PLCB4: variants seen among roughly 807,000 people sequenced by gnomAD.
PLCB4 encodes the protein phospholipase C beta 4.
Under a neutral mutation model 178.8 loss-of-function variants are expected in PLCB4, and 77 were observed. The ratio of observed to expected loss-of-function variants is 0.43; its 90% CI spans 0.36 to 0.52. The LOEUF is 0.52. PLCB4 is among the 20% of genes least tolerant of loss of function. The pLI is 0.00. For missense variants in PLCB4, 1,024 were observed against 1,453.4 expected (o/e 0.70, Z 4.80); for synonymous variants, 496 against 490.8 (o/e 1.01, Z -0.14).
At chr20:9,413,143 A>G (rs2039974580) in intron 25 of PLCB4, among the ~76,000 whole-genome samples, 1 of 152,198 alleles carries the variant, frequency 6.6e-6, no homozygotes, top group South Asian at 2.1e-4. Flanking sequence ...TGGCTCTTAC[A>G]GGACCCGTCG....
At chr20:9,267,135 C>A (rs1398213939) in intron 3 of PLCB4, among the ~76,000 whole-genome samples, 1 of 152,284 alleles carries the variant, frequency 6.6e-6, no homozygotes, top group African/African-American at 2.4e-5. Flanking sequence ...GGTACTCTCT[C>A]TAGTCACAGT....
chr20:9,297,210 A>G (rs892086175), intron 3 of PLCB4, among the ~76,000 whole-genome samples: 4 of 151,934 alleles, frequency 2.6e-5, no homozygotes, highest in South Asian at 2.1e-4. Flanking sequence ...TATATCTTGC[A>G]TGCTATCAAA....
intron 25 of PLCB4, 91 bp from the exon 26 acceptor site, chr20:9,419,716 T>C: frequency 1.2e-6 from 1 of 836,370 alleles, no homozygotes; most frequent in Non-Finnish European, 2.1e-6. Flanking sequence ...GTGTTACAGA[T>C]GGAGAAAAGG....
rs1481948259 is a variant in PLCB4, at chr20:9,222,051, ATTTTATTTTAT to A, written c.-16+4603_-16+4613del. Among the ~76,000 whole-genome samples the A allele has an allele frequency of 2.6e-3, 140 of 54,434 alleles. 1 individual carries two copies. Among genetic ancestry groups the A allele is most frequent in the Admixed American group, 0.021 (140 of 6,806 alleles). The allele number at this position is 54,434 out of a possible 152,430, so 35.7% of individuals were successfully genotyped here. A position where few individuals can be genotyped will look rare whatever the true frequency, so the allele number is the denominator to read the frequency against. Reference sequence around the variant, plus strand: ...ATTTTATTTTGTTTTATTTTATTTTATTTTATTTTATTTTATTTTATTTTATTTTATTTTAT... The same window carrying A: ...ATTTTATTTTGTTTTATTTTATTTTATTTATTTTATTTTATTTTATTTTAT... On this transcript the variant is annotated intron_variant, in intron 3 of 39. Coordinates refer to ENST00000378473, the MANE Select transcript of PLCB4 (RefSeq NM_001377142.1).
intron 4 of PLCB4, among the ~76,000 whole-genome samples, chr20:9,318,818 T>A (rs2094928715): frequency 6.6e-6 from 1 of 152,230 alleles, no homozygotes; most frequent in Non-Finnish European, 1.5e-5. Flanking sequence ...CAAGTACTAC[T>A]GTACTATGCT....
chr20:9,219,421 A>G (rs986198877), intron 3 of PLCB4, among the ~76,000 whole-genome samples: 2 of 152,158 alleles, frequency 1.3e-5, no homozygotes, highest in African/African-American at 4.8e-5. Context: ...GTGAGCCGAG[A>G]TGGCGCCACT....
chr20:9,110,055 A>G (rs956536804), intron 2 of PLCB4, among the ~76,000 whole-genome samples: 42 of 152,250 alleles, frequency 2.8e-4, no homozygotes, highest in African/African-American at 1.0e-3. Flanking sequence ...TAAAATTATT[A>G]TTATTAAGCA....
chr20:9,083,308 A>G (rs887056940), intron 1 of PLCB4, among the ~76,000 whole-genome samples: 2 of 151,984 alleles, frequency 1.3e-5, no homozygotes, highest in African/African-American at 2.4e-5. Context: ...CTATCCTCAC[A>G]CAGGATACGA....
chr20:9,404,180 TG>T lies in PLCB4; in HGVS notation c.1612-1131del, dbSNP rs1485631799. 2.6e-5 allele frequency among the ~76,000 whole-genome samples: 4 copies of T among 152,240 alleles called. No individual in the cohort carries two copies. In the South Asian group the frequency reaches 8.3e-4, roughly 32 times the overall value. ...GCAGGAAAGAGAGGGGATAACTGCC[TG>T]GAATTCCTTGAGGAGGTGGAAGAGG... On this transcript the variant is annotated intron_variant, in intron 20 of 39. Transcript: ENST00000378473.
At chr20:9,253,459 T>G (rs367799687) in intron 3 of PLCB4, among the ~76,000 whole-genome samples, 1 of 152,156 alleles carries the variant, frequency 6.6e-6, no homozygotes, top group East Asian at 1.9e-4. Context: ...CATCAGTGAC[T>G]GCCAGTTTCT....
chr20:9,149,484 T>G (rs937119934), intron 2 of PLCB4, among the ~76,000 whole-genome samples: 2 of 152,212 alleles, frequency 1.3e-5, no homozygotes, highest in African/African-American at 4.8e-5. Flanking sequence ...TTTATTGAAT[T>G]TGCCTTCTCT....
chr20:9,093,680 G>A (rs2090781712), intron 1 of PLCB4, among the ~76,000 whole-genome samples: 1 of 150,362 alleles, frequency 6.7e-6, no homozygotes, highest in African/African-American at 2.4e-5. Context: ...TCTTTGATGT[G>A]GGGTAGGCAC....
At chr20:9,438,508 G>A (rs2041920246) in intron 30 of PLCB4, among the ~76,000 whole-genome samples, 1 of 152,158 alleles carries the variant, frequency 6.6e-6, no homozygotes, top group Non-Finnish European at 1.5e-5. Flanking sequence ...AGAGGAGTTA[G>A]GAGGAGGAGC....
At chr20:9,391,433 G>C (rs1300675533) in intron 17 of PLCB4, among the ~76,000 whole-genome samples, 1 of 152,132 alleles carries the variant, frequency 6.6e-6, no homozygotes, top group Non-Finnish European at 1.5e-5. Context: ...CACCTGATGG[G>C]CTCAAACCTG....
chr20:9,230,614 T>C (rs371542969), intron 3 of PLCB4, among the ~76,000 whole-genome samples: 82 of 152,232 alleles, frequency 5.4e-4, no homozygotes, highest in African/African-American at 1.7e-3. Context: ...GGGTCAGCAA[T>C]TTGGGCTGGC....
intron 24 of PLCB4, among the ~76,000 whole-genome samples, chr20:9,410,315 C>T (rs2039768750): frequency 6.6e-6 from 1 of 152,204 alleles, no homozygotes; most frequent in African/African-American, 2.4e-5. Context: ...AGTAACAAGG[C>T]TCTGATGACT....
At chr20:9,091,287 A>G (rs892775839) in intron 1 of PLCB4, among the ~76,000 whole-genome samples, 8 of 152,172 alleles carry the variant, frequency 5.3e-5, no homozygotes, top group African/African-American at 1.9e-4. Flanking sequence ...TGAGCTAGAG[A>G]AAGTCACTAT....
At chr20:9,366,857 T>G (rs1602141665) in intron 9 of PLCB4, among the ~76,000 whole-genome samples, 1 of 152,244 alleles carries the variant, frequency 6.6e-6, no homozygotes, top group East Asian at 1.9e-4. Context: ...GACACCACTT[T>G]AGCAAATACG....
intron 3 of PLCB4, among the ~76,000 whole-genome samples, chr20:9,222,485 C>T (rs1372104393): frequency 1.3e-5 from 2 of 152,084 alleles, no homozygotes; most frequent in African/African-American, 2.4e-5. Context: ...AGAAATATTA[C>T]GTGAACAACA....
Sources: gnomAD v4.1 joint callset for allele counts (sites outside exome capture counted in the v4.1 genomes callset) on GRCh38, gnomAD v4.1.1 for gene constraint, MANE v1.5 for transcripts, NCBI Gene and HGNC (gene_info 2026-07-23, HGNC 2026-07-21) for gene names.